HHAT: variants seen among roughly 807,000 people sequenced by gnomAD.
HHAT encodes protein-cysteine N-palmitoyltransferase HHAT.
HHAT carries 47 observed loss-of-function variants against 70.8 expected under a neutral mutation model. That is an observed-to-expected ratio of 0.66 (90% confidence interval 0.53 to 0.85). The LOEUF (loss-of-function observed/expected upper bound fraction) is 0.85, where lower values mean the gene tolerates loss of function less well. HHAT is among the 40% of genes least tolerant of loss of function. HHAT has a pLI of 0.00. For missense variants in HHAT, 609 were observed against 604.8 expected (o/e 1.01, Z -0.07); for synonymous variants, 228 against 247.6 (o/e 0.92, Z 0.74).
intron 2 of HHAT, among the ~76,000 whole-genome samples, chr1:210,350,260 G>A (rs1404546486): frequency 6.6e-6 from 1 of 152,208 alleles, no homozygotes; most frequent in Non-Finnish European, 1.5e-5. Flanking sequence ...AAGCAATCAA[G>A]ATGTCCTTAA....
At chr1:210,650,023 GTT>G (rs1558353660) in intron 11 of HHAT, among the ~76,000 whole-genome samples, 1 of 152,170 alleles carries the variant, frequency 6.6e-6, no homozygotes, top group Non-Finnish European at 1.5e-5. Context: ...TCTTGTCAGA[GTT>G]TTTCCCCTGC....
intron 7 of HHAT, among the ~76,000 whole-genome samples, chr1:210,418,806 G>A (rs1358121651): frequency 1.3e-5 from 2 of 152,176 alleles, no homozygotes; most frequent in African/African-American, 4.8e-5. Context: ...GCTGAAGCGG[G>A]CAGATCACTT....
At chr1:210,431,833 A>C (rs1184501646) in intron 7 of HHAT, among the ~76,000 whole-genome samples, 3 of 151,848 alleles carry the variant, frequency 2.0e-5, no homozygotes, top group Admixed American at 1.3e-4. Context: ...TATTAGAGCA[A>C]CTACTTCTGA....
At chr1:210,464,047 C>G (rs923241803) in intron 7 of HHAT, among the ~76,000 whole-genome samples, 5 of 152,106 alleles carry the variant, frequency 3.3e-5, no homozygotes, top group Admixed American at 2.6e-4. Context: ...TTTTGTGTTA[C>G]AAATAACCCA....
At chr1:210,625,036 C>A (rs1669566276) in intron 11 of HHAT, among the ~76,000 whole-genome samples, 1 of 152,166 alleles carries the variant, frequency 6.6e-6, no homozygotes. Flanking sequence ...AGACCATGGG[C>A]CTAAACTGTG....
chr1:210,482,157 C>T (rs545728327), intron 8 of HHAT, among the ~76,000 whole-genome samples: 10 of 152,222 alleles, frequency 6.6e-5, no homozygotes, highest in Admixed American at 2.0e-4. Context: ...AAGAGAGTGC[C>T]GGCAGTAATC....
intron 8 of HHAT, among the ~76,000 whole-genome samples, chr1:210,489,411 T>C (rs2094518516): frequency 6.6e-6 from 1 of 152,158 alleles, no homozygotes; most frequent in Non-Finnish European, 1.5e-5. Flanking sequence ...CATAATTGCC[T>C]TACATAATTT....
chr1:210,669,629 G>A (rs4951519), intron 11 of HHAT, among the ~76,000 whole-genome samples: 11,325 of 152,214 alleles, frequency 0.074, 546 homozygotes, highest in East Asian at 0.11. Flanking sequence ...TATCTTTGAC[G>A]CTACCTGGCT....
At position 210,623,383 on chromosome 1, in the gene HHAT, G is replaced by A. The variant is rs371463188; in HGVS notation, c.1246-143G>A. On this transcript the variant is annotated intron_variant, in intron 10 of 11. Coordinates refer to ENST00000261458, the MANE Select transcript of HHAT (RefSeq NM_018194.6). ...CTGCCACGCCCAGACAGGAATTGAA[G>A]TTTTGAGAGCTGTTTAAATAATGAC... 2.0e-5 allele frequency: 18 copies of A among 912,444 alleles called. 2 individuals carry two copies. Among genetic ancestry groups the A allele is most frequent in the African/African-American group, 1.7e-4 (10 of 60,478 alleles). 56.5% of individuals were successfully genotyped at this position (912,444 alleles called of 1,614,324 possible).
chr1:210,512,041 C>T (rs2094963478), intron 8 of HHAT, among the ~76,000 whole-genome samples: 1 of 152,072 alleles, frequency 6.6e-6, no homozygotes, highest in African/African-American at 2.4e-5. Context: ...GAAACCAAGG[C>T]AGTGTCGTTT....
intron 7 of HHAT, chr1:210,463,122 C>T (rs913292373): frequency 6.7e-6 from 1 of 150,310 alleles, no homozygotes; most frequent in African/African-American, 2.5e-5. Context: ...AGACCTCAGG[C>T]CTTCATGTGA....
intron 10 of HHAT, among the ~76,000 whole-genome samples, chr1:210,616,623 C>G (rs537990381): frequency 6.6e-6 from 1 of 152,300 alleles, no homozygotes; most frequent in South Asian, 2.1e-4. Context: ...GTGTATGGCA[C>G]TCAAGAGGCA....
chr1:210,357,774 C>T (rs886594869), intron 2 of HHAT, among the ~76,000 whole-genome samples: 20 of 152,092 alleles, frequency 1.3e-4, no homozygotes, highest in Middle Eastern at 3.2e-3. Flanking sequence ...GAGCCGAGTT[C>T]GCACCACTGC....
intron 9 of HHAT, among the ~76,000 whole-genome samples, chr1:210,553,593 C>G (rs749140601): frequency 6.6e-6 from 1 of 152,226 alleles, no homozygotes; most frequent in Non-Finnish European, 1.5e-5. Flanking sequence ...TCAACCCTAG[C>G]CCTGCTCAGT....
chr1:210,595,748 G>C (rs1480743186), intron 10 of HHAT, among the ~76,000 whole-genome samples: 1 of 152,076 alleles, frequency 6.6e-6, no homozygotes, highest in Non-Finnish European at 1.5e-5. Context: ...GTGTCTTTTG[G>C]CTGCATAAAT....
intron 7 of HHAT, among the ~76,000 whole-genome samples, chr1:210,455,278 ATTAG>A (rs1210678561): frequency 6.6e-6 from 1 of 152,176 alleles, no homozygotes; most frequent in African/African-American, 2.4e-5. Context: ...TTGACCTGGT[ATTAG>A]TTAGCTTGAA....
intron 8 of HHAT, among the ~76,000 whole-genome samples, chr1:210,494,541 G>GTTTTTTTTTTTTT (rs2094600779): frequency 4.8e-5 from 3 of 61,942 alleles, no homozygotes; most frequent in African/African-American, 2.0e-4. Flanking sequence ...GTTTGAAATA[G>GTTTTTTTTTTTTT]CTTTTTTTTT....
At chr1:210,418,439 T>C (rs2092792339) in intron 7 of HHAT, 114 bp downstream of exon 7, 1 of 892,448 alleles carries the variant, frequency 1.1e-6, no homozygotes, top group East Asian at 2.9e-5. Context: ...GCAAACCCTC[T>C]TTATTATTAT....
At chr1:210,579,039 T>A (rs1658575512) in intron 9 of HHAT, among the ~76,000 whole-genome samples, 1 of 152,154 alleles carries the variant, frequency 6.6e-6, no homozygotes, top group African/African-American at 2.4e-5. Flanking sequence ...CCATTATCTT[T>A]AGCAGAAACG....
Sources: allele counts gnomAD v4.1 joint callset (sites outside exome capture counted in the v4.1 genomes callset), GRCh38; gene constraint gnomAD v4.1.1; transcripts MANE v1.5; gene names NCBI Gene and HGNC (gene_info 2026-07-23, HGNC 2026-07-21).